DIS3L2: variants seen among roughly 807,000 people sequenced by gnomAD.
DIS3L2 encodes DIS3-like exonuclease 2.
A neutral mutation model predicts 97.5 loss-of-function variants in DIS3L2; 34 were observed. The ratio of observed to expected loss-of-function variants is 0.35; its 90% confidence interval spans 0.27 to 0.46. The LOEUF (loss-of-function observed/expected upper bound fraction) is 0.46. Among genes scored for constraint, DIS3L2 ranks in the 20% least tolerant of loss-of-function variants. The pLI, the probability that DIS3L2 is intolerant of heterozygous loss-of-function variation, is 1.00. For synonymous variants in DIS3L2, 435 were observed against 445.2 expected, an observed-to-expected ratio of 0.98 and a Z score of 0.29; for missense variants, 1,038 against 1,146.0, an observed-to-expected ratio of 0.91 and a Z score of 1.36.
intron 6 of DIS3L2, among the ~76,000 whole-genome samples, chr2:232,104,672 CT>C (rs1465683743): frequency 2.0e-5 from 3 of 152,166 alleles, no homozygotes; most frequent in Non-Finnish European, 4.4e-5. Flanking sequence ...ATACAATATT[CT>C]TTTGTGTCTG....
chr2:232,087,777 A>T (rs747608196), intron 6 of DIS3L2, 56 bp downstream of exon 6: 1 of 1,345,154 alleles, frequency 7.4e-7, no homozygotes, highest in Non-Finnish European at 1.0e-6. Context: ...TAAGTATTGG[A>T]ATTCCCTCTC....
intron 12 of DIS3L2, among the ~76,000 whole-genome samples, chr2:232,259,501 C>T (rs2106276448): frequency 6.6e-6 from 1 of 152,202 alleles, no homozygotes; most frequent in Non-Finnish European, 1.5e-5. Flanking sequence ...TGCTTAGAGC[C>T]AGGAGACGTG....
chr2:231,999,658 C>T (rs1693827021), intron 1 of DIS3L2, among the ~76,000 whole-genome samples: 1 of 152,108 alleles, frequency 6.6e-6, no homozygotes, highest in Non-Finnish European at 1.5e-5. Flanking sequence ...TATAAAAAAC[C>T]TATTAACCAG....
intron 13 of DIS3L2, among the ~76,000 whole-genome samples, chr2:232,280,910 G>C (rs1365204334): frequency 6.6e-6 from 1 of 152,186 alleles, no homozygotes; most frequent in African/African-American, 2.4e-5. Context: ...TTCCAGTAAG[G>C]CAAGGCAGTT....
intron 10 of DIS3L2, among the ~76,000 whole-genome samples, chr2:232,237,101 G>A (rs2633253): frequency 0.23 from 35,543 of 151,998 alleles, 4,929 homozygotes; most frequent in South Asian, 0.47. Context: ...TTCATTTTCT[G>A]TATTTTCATA....
exon 14 of DIS3L2, chr2:232,343,714 C>A: frequency 1.1e-6 from 1 of 936,328 alleles, no homozygotes; most frequent in South Asian, 1.7e-5. Flanking sequence ...GTGGAAAAGT[C>A]AGAGTTACGG....
chr2:232,080,391 T>C (rs1696352548), intron 5 of DIS3L2, among the ~76,000 whole-genome samples: 2 of 152,148 alleles, frequency 1.3e-5, no homozygotes, highest in South Asian at 4.1e-4. Context: ...GTTAATAGCA[T>C]GTAGAGGGAG....
chr2:232,247,166 A>G (rs965927929), intron 11 of DIS3L2, among the ~76,000 whole-genome samples: 1 of 152,244 alleles, frequency 6.6e-6, no homozygotes, highest in African/African-American at 2.4e-5. Flanking sequence ...TGCAACAAGC[A>G]TGCTGGGTGG....
intron 5 of DIS3L2, among the ~76,000 whole-genome samples, chr2:232,034,234 A>G (rs1449601616): frequency 1.3e-5 from 2 of 151,886 alleles, no homozygotes; most frequent in Admixed American, 6.6e-5. Flanking sequence ...TTTCTTCTAG[A>G]TTTTCTAGTT....
intron 10 of DIS3L2, among the ~76,000 whole-genome samples, chr2:232,214,673 A>G (rs1032703632): frequency 2.0e-5 from 3 of 151,936 alleles, no homozygotes; most frequent in African/African-American, 7.3e-5. Context: ...ATCAGGGCCT[A>G]CTCTCTCCTT....
chr2:232,175,750 A>G (rs983137893), intron 9 of DIS3L2, among the ~76,000 whole-genome samples: 5 of 151,806 alleles, frequency 3.3e-5, no homozygotes, highest in Admixed American at 2.0e-4. Context: ...CTCATCAGTA[A>G]AGCCATCTGG....
At chr2:232,015,436 TA>T (rs747705546) in intron 2 of DIS3L2, 77 bp from the exon 3 acceptor site, 458 of 1,526,888 alleles carry the variant, frequency 3.0e-4, no homozygotes, top group Non-Finnish European at 3.8e-4. Flanking sequence ...ATAATAATTG[TA>T]AAAAGGTATA....
intron 14 of DIS3L2, 22 bp from the exon 15 acceptor site, chr2:232,329,791 C>CTGG: frequency 3.0e-6 from 1 of 334,002 alleles, no homozygotes; most frequent in Non-Finnish European, 5.9e-6. Flanking sequence ...GCGGTCCCTC[C>CTGG]CATCCCACCC....
intron 1 of DIS3L2, among the ~76,000 whole-genome samples, chr2:232,011,952 T>C (rs1694212592): frequency 6.6e-6 from 1 of 152,226 alleles, no homozygotes; most frequent in Non-Finnish European, 1.5e-5. Flanking sequence ...TGCCCAGCCA[T>C]TGTTTGTTCA....
chr2:232,313,687 C>T (rs1432256896), intron 14 of DIS3L2, among the ~76,000 whole-genome samples: 6 of 152,166 alleles, frequency 3.9e-5, no homozygotes, highest in Non-Finnish European at 7.3e-5. Context: ...TCTTTATATC[C>T]CTGTGTTTTA....
At chr2:232,054,426 A>G (rs1463500815) in intron 5 of DIS3L2, among the ~76,000 whole-genome samples, 1 of 152,230 alleles carries the variant, frequency 6.6e-6, no homozygotes, top group African/African-American at 2.4e-5. Flanking sequence ...TTTGGAAACT[A>G]TTTTAACAAA....
At chr2:232,191,645 C>G (rs1691621054) in intron 9 of DIS3L2, among the ~76,000 whole-genome samples, 1 of 152,118 alleles carries the variant, frequency 6.6e-6, no homozygotes, top group African/African-American at 2.4e-5. Flanking sequence ...TGTGTTTACT[C>G]CTAGTGCTCA....
At chr2:232,337,220 G>T (rs977283525), downstream of DIS3L2, 59 of 900,002 alleles carry the variant, frequency 6.6e-5, no homozygotes, top group Admixed American at 2.7e-4. Flanking sequence ...TCACCCTGAC[G>T]AATGTGACTG....
At chr2:232,003,053 G>A (rs998604306) in intron 1 of DIS3L2, among the ~76,000 whole-genome samples, 8 of 152,156 alleles carry the variant, frequency 5.3e-5, no homozygotes, top group Non-Finnish European at 1.2e-4. Flanking sequence ...CCTAGAACAG[G>A]AAGTAAGCCA....
Sources: allele counts gnomAD v4.1 joint callset (sites outside exome capture counted in the v4.1 genomes callset), GRCh38; gene constraint gnomAD v4.1.1; transcripts MANE v1.5; gene names NCBI Gene and HGNC (gene_info 2026-07-23, HGNC 2026-07-21).